Variants in KCNG3 observed in about 807,000 individuals in gnomAD.
KCNG3 encodes potassium voltage-gated channel modifier subfamily G member 3.
KCNG3 carries 15 observed loss-of-function variants against 29.0 expected under a neutral mutation model. The ratio of observed to expected loss-of-function variants is 0.52; its 90% CI spans 0.35 to 0.80. The LOEUF (loss-of-function observed/expected upper bound fraction) is 0.80. Among genes scored for constraint, KCNG3 ranks in the 30% least tolerant of loss-of-function variants. The pLI is 0.01. For synonymous variants in KCNG3, 322 were observed against 248.9 expected (o/e 1.29, Z -2.76); for missense variants, 512 against 605.7 (o/e 0.85, Z 1.62).
At chr2:42,470,387 T>A (rs762581339) in intron 1 of KCNG3, 35 of 214,536 alleles carry the variant, frequency 1.6e-4, no homozygotes, top group Middle Eastern at 1.6e-3. Context: ...GAAAGATATT[T>A]GCAGTCAGGC....
At chr2:42,423,451 C>G in the KCNG3 span, among the ~76,000 whole-genome samples, 1 of 152,146 alleles carries the variant, frequency 6.6e-6, no homozygotes, top group Non-Finnish European at 1.5e-5. Context: ...CTCTGCCCAC[C>G]CAACAGCACT....
At chr2:42,391,823 C>T in the KCNG3 span, among the ~76,000 whole-genome samples, 2 of 151,456 alleles carry the variant, frequency 1.3e-5, no homozygotes, top group South Asian at 2.1e-4. Context: ...GGGATGGTCT[C>T]GATCTCCTGA....
At chr2:42,467,607 G>A (rs984224268) in intron 1 of KCNG3, among the ~76,000 whole-genome samples, 4 of 151,582 alleles carry the variant, frequency 2.6e-5, no homozygotes. Context: ...GGTGGAGGTT[G>A]CAGTGAACTG....
intron 1 of KCNG3, among the ~76,000 whole-genome samples, chr2:42,475,325 T>C (rs996456506): frequency 1.1e-4 from 1 of 8,842 alleles, no homozygotes; most frequent in African/African-American, 1.9e-4. Flanking sequence ...CTCTGTCTCT[T>C]TTTTTTTTTT....
At position 42,481,333 on chromosome 2, in the gene KCNG3, T is replaced by C. The variant is rs137899871; in HGVS notation, c.665+11504A>G. Among the ~76,000 whole-genome samples the C allele has an allele frequency of 1.3e-4, 20 of 152,266 alleles. No homozygotes were observed. In the East Asian group the frequency reaches 3.7e-3, roughly 28 times the overall value. On this transcript the variant is annotated intron_variant, in intron 1 of 1. Transcript: ENST00000306078. ...TGGATCAACAGGACCTTTAGCTGCC[T>C]GAACCCAGGACTCAAGGAAGTCCTT...
At chr2:42,483,486 A>T (rs1230695129) in intron 1 of KCNG3, among the ~76,000 whole-genome samples, 1 of 152,210 alleles carries the variant, frequency 6.6e-6, no homozygotes, top group East Asian at 1.9e-4. Context: ...TCAGCAGAGT[A>T]GAGTGGGAGC....
chr2:42,461,458 T>C (rs1673015680), intron 1 of KCNG3, among the ~76,000 whole-genome samples: 1 of 152,086 alleles, frequency 6.6e-6, no homozygotes, highest in Non-Finnish European at 1.5e-5. Flanking sequence ...AGGGAGTGTG[T>C]TTTCAGAAGA....
chr2:42,422,978 A>T, the KCNG3 span, among the ~76,000 whole-genome samples: 1 of 152,018 alleles, frequency 6.6e-6, no homozygotes, highest in Non-Finnish European at 1.5e-5. Flanking sequence ...CAACACTCTT[A>T]CAGAGGGACT....
intron 1 of KCNG3, among the ~76,000 whole-genome samples, chr2:42,449,514 C>CTTTTTTTTTTT (rs36088470): frequency 1.0e-5 from 1 of 99,462 alleles, no homozygotes; most frequent in Non-Finnish European, 2.0e-5. Flanking sequence ...ACTGAGATTT[C>CTTTTTTTTTTT]TTTTTTTTTT....
At chr2:42,454,810 G>C (rs1463447138) in intron 1 of KCNG3, among the ~76,000 whole-genome samples, 1 of 152,116 alleles carries the variant, frequency 6.6e-6, no homozygotes, top group Middle Eastern at 3.2e-3. Context: ...CAAATACACT[G>C]TGATTCCACT....
At chr2:42,445,760 G>A (rs1407911376) in intron 1 of KCNG3, among the ~76,000 whole-genome samples, 1 of 151,324 alleles carries the variant, frequency 6.6e-6, no homozygotes, top group African/African-American at 2.4e-5. Context: ...GAAGTTTCAC[G>A]CTATCGCCCA....
the KCNG3 span, among the ~76,000 whole-genome samples, chr2:42,419,276 C>T: frequency 8.6e-6 from 1 of 116,458 alleles, no homozygotes; most frequent in African/African-American, 3.3e-5. Context: ...CACTCTGTGG[C>T]ACCCAGGCTG....
At chr2:42,441,073 A>G (rs1011255690), downstream of KCNG3, among the ~76,000 whole-genome samples, 4 of 152,168 alleles carry the variant, frequency 2.6e-5, no homozygotes, top group Non-Finnish European at 2.9e-5. Context: ...AGTGATACTT[A>G]ATGGTTTTTT....
At chr2:42,484,040 T>C (rs1034373065) in intron 1 of KCNG3, among the ~76,000 whole-genome samples, 2 of 152,128 alleles carry the variant, frequency 1.3e-5, no homozygotes, top group African/African-American at 4.8e-5. Context: ...GCCTCAGGCC[T>C]CCTAAAGTGC....
At chr2:42,468,251 C>G (rs1467855917) in intron 1 of KCNG3, among the ~76,000 whole-genome samples, 1 of 152,184 alleles carries the variant, frequency 6.6e-6, no homozygotes. Flanking sequence ...GACAGTATCA[C>G]TGTCTACATT....
chr2:42,451,764 G>A (rs921673609), intron 1 of KCNG3, among the ~76,000 whole-genome samples: 6 of 151,912 alleles, frequency 3.9e-5, no homozygotes, highest in African/African-American at 1.5e-4. Context: ...GCAGGGAGTG[G>A]TGGTGTGTGC....
chr2:42,487,666 A>T (rs577763806), intron 1 of KCNG3, among the ~76,000 whole-genome samples: 13 of 152,204 alleles, frequency 8.5e-5, no homozygotes, highest in Non-Finnish European at 1.6e-4. Context: ...GTGGAAGCAT[A>T]AATTGATACA....
At chr2:42,478,694 T>G (rs1673503750) in intron 1 of KCNG3, among the ~76,000 whole-genome samples, 1 of 152,188 alleles carries the variant, frequency 6.6e-6, no homozygotes, top group Admixed American at 6.5e-5. Flanking sequence ...CTGCACTGCC[T>G]TCCACAGCGG....
the KCNG3 span, among the ~76,000 whole-genome samples, chr2:42,402,062 G>GTAAA: frequency 6.6e-6 from 1 of 152,182 alleles, no homozygotes; most frequent in African/African-American, 2.4e-5. Flanking sequence ...AGCACACTGA[G>GTAAA]TAAAGATCAT....
Sources: allele counts gnomAD v4.1 joint callset (sites outside exome capture counted in the v4.1 genomes callset), GRCh38; gene constraint gnomAD v4.1.1; transcripts MANE v1.5; gene names NCBI Gene and HGNC (gene_info 2026-07-23, HGNC 2026-07-21).